The following ADAMTS18 variants were observed in gnomAD, a reference collection of about 807,000 sequenced individuals.
The protein encoded by ADAMTS18 is A disintegrin and metalloproteinase with thrombospondin motifs 18.
A neutral mutation model predicts 165.9 loss-of-function variants in ADAMTS18; 157 were observed. The ratio of observed to expected loss-of-function variants is 0.95; its 90% CI spans 0.83 to 1.08. The LOEUF (loss-of-function observed/expected upper bound fraction) is 1.08. ADAMTS18 is among the 50% of genes least tolerant of loss of function. The pLI, the probability that ADAMTS18 is intolerant of heterozygous loss-of-function variation, is 0.00. For synonymous variants in ADAMTS18, 782 were observed against 578.2 expected, an observed-to-expected ratio of 1.35 and a Z score of -5.06; for missense variants, 2,040 against 1,534.0, an observed-to-expected ratio of 1.33 and a Z score of -5.51.
intron 3 of ADAMTS18, among the ~76,000 whole-genome samples, chr16:77,368,159 C>G (rs2056825872): frequency 6.6e-6 from 1 of 152,150 alleles, no homozygotes; most frequent in South Asian, 2.1e-4. Flanking sequence ...GGACAAGTTG[C>G]TATTATCACC....
At chr16:77,394,958 A>T (rs1222083866) in intron 3 of ADAMTS18, among the ~76,000 whole-genome samples, 1 of 152,098 alleles carries the variant, frequency 6.6e-6, no homozygotes, top group Non-Finnish European at 1.5e-5. Flanking sequence ...TCCTTCCACC[A>T]TTTCTATCTA....
At chr16:77,425,636 G>C (rs2057661698) in intron 3 of ADAMTS18, among the ~76,000 whole-genome samples, 1 of 152,196 alleles carries the variant, frequency 6.6e-6, no homozygotes, top group African/African-American at 2.4e-5. Flanking sequence ...TCCCCAACGG[G>C]AACACATGTC....
In ADAMTS18 at chr16:77,300,278, C is replaced by T. The variant is rs370157524; in HGVS notation, c.2659G>A (p.Val887Ile). ...AATCATCTACCTCCACCACAGGAGA[C>T]GGAGCACTCTGACTGCACGATACTC... ...TWSIVQSECS[V>I]SCGGGYINVK... Residue 887 changes from valine (V) to isoleucine (I), a missense_variant, in exon 17 of 23, where the codon GTC becomes ATC. Coordinates refer to ENST00000282849, the MANE Select transcript of ADAMTS18 (RefSeq NM_199355.4). 25 of 1,614,060 alleles carry T rather than the reference C, an allele frequency of 1.5e-5. No homozygotes were observed. The highest frequency in any genetic ancestry group is 8.0e-5 in the African/African-American group (6 of 75,036).
At chr16:77,291,679 G>A (rs1304058785) in intron 20 of ADAMTS18, among the ~76,000 whole-genome samples, 1 of 152,232 alleles carries the variant, frequency 6.6e-6, no homozygotes, top group Non-Finnish European at 1.5e-5. Flanking sequence ...AAAGTTCAGA[G>A]AACGGAACTG....
At chr16:77,287,698 C>T (rs956145493) in intron 22 of ADAMTS18, among the ~76,000 whole-genome samples, 19 of 152,200 alleles carry the variant, frequency 1.2e-4, no homozygotes, top group African/African-American at 3.4e-4. Flanking sequence ...TCTCAAACTC[C>T]GGACCTCAGG....
chr16:77,378,113 A>T (rs929065580), intron 3 of ADAMTS18, among the ~76,000 whole-genome samples: 4 of 152,078 alleles, frequency 2.6e-5, no homozygotes, highest in Admixed American at 6.6e-5. Flanking sequence ...GGATCACTCG[A>T]GCTCAGGAGT....
At chr16:77,407,734 T>C (rs942292846) in intron 3 of ADAMTS18, among the ~76,000 whole-genome samples, 3 of 152,042 alleles carry the variant, frequency 2.0e-5, no homozygotes, top group Non-Finnish European at 2.9e-5. Context: ...GAATTTCCAA[T>C]TGGGAGAAAA....
chr16:77,324,730 C>G (rs1413569057), intron 13 of ADAMTS18, among the ~76,000 whole-genome samples: 3 of 152,314 alleles, frequency 2.0e-5, no homozygotes, highest in Non-Finnish European at 4.4e-5. Flanking sequence ...GTTCTCAGCC[C>G]TTGAATTAAT....
chr16:77,356,985 ATTTTTTTT>A (rs4038549), intron 8 of ADAMTS18, among the ~76,000 whole-genome samples: 2 of 140,538 alleles, frequency 1.4e-5, no homozygotes, highest in African/African-American at 2.6e-5. Context: ...CTTTTCTGAA[ATTTTTTTT>A]TTTTTTTTTT....
At chr16:77,317,417 T>C (rs1041505220) in intron 16 of ADAMTS18, among the ~76,000 whole-genome samples, 2 of 152,156 alleles carry the variant, frequency 1.3e-5, no homozygotes, top group East Asian at 3.9e-4. Context: ...CACTGCAACC[T>C]GTGCCTCCCA....
intron 3 of ADAMTS18, among the ~76,000 whole-genome samples, chr16:77,413,384 G>A (rs957535572): frequency 2.6e-5 from 4 of 152,154 alleles, no homozygotes; most frequent in Non-Finnish European, 5.9e-5. Flanking sequence ...CTCCTGGGGT[G>A]ACTTCTCCTG....
At chr16:77,406,303 A>C (rs150170537) in intron 3 of ADAMTS18, among the ~76,000 whole-genome samples, 30 of 152,298 alleles carry the variant, frequency 2.0e-4, no homozygotes, top group African/African-American at 6.5e-4. Flanking sequence ...GGTATAAATT[A>C]TTAGAGAATT....
chr16:77,350,275 C>T (rs1370991750), intron 10 of ADAMTS18, among the ~76,000 whole-genome samples: 2 of 152,068 alleles, frequency 1.3e-5, no homozygotes, highest in South Asian at 2.1e-4. Context: ...GCTGAAGACA[C>T]AGAAAACTCG....
At position 77,364,387 on chromosome 16, in the gene ADAMTS18, A is replaced by G. The variant is rs745369304; in HGVS notation, c.779-6T>C. ...TGTGGGAGGCTTGGGAGCATCTACG[A>G]TGAACAGAAGAGCATTTGGAAGGGA... On this transcript the variant is annotated splice_polypyrimidine_tract_variant and splice_region_variant and intron_variant, in intron 4 of 22. Coordinates refer to ENST00000282849, the MANE Select transcript of ADAMTS18 (RefSeq NM_199355.4). The G allele has an allele frequency of 2.4e-5, 39 of 1,613,472 alleles. No homozygotes were observed. The highest frequency in any genetic ancestry group is 3.3e-5 in the Non-Finnish European group (39 of 1,179,884).
intron 11 of ADAMTS18, among the ~76,000 whole-genome samples, chr16:77,337,994 C>T (rs2056337339): frequency 6.6e-6 from 1 of 151,112 alleles, no homozygotes; most frequent in Non-Finnish European, 1.5e-5. Context: ...ACCTCCGCCT[C>T]CCAGGTTCAA....
chr16:77,364,112 A>G, intron 5 of ADAMTS18, 76 bp downstream of exon 5: 1 of 1,583,172 alleles, frequency 6.3e-7, no homozygotes, highest in South Asian at 1.1e-5. Context: ...TACACCTGCT[A>G]TTCAACCCAT....
chr16:77,396,617 G>C (rs932657207), intron 3 of ADAMTS18, among the ~76,000 whole-genome samples: 2 of 152,160 alleles, frequency 1.3e-5, no homozygotes, highest in Admixed American at 1.3e-4. Context: ...AAAACCTGCA[G>C]AGAGGAAGTT....
intron 3 of ADAMTS18, among the ~76,000 whole-genome samples, chr16:77,408,250 T>G (rs890390402): frequency 6.6e-6 from 1 of 152,064 alleles, no homozygotes. Context: ...TGTGGAGAGT[T>G]TGTGGGAATG....
At chr16:77,414,744 T>C (rs1169003872) in intron 3 of ADAMTS18, among the ~76,000 whole-genome samples, 2 of 152,144 alleles carry the variant, frequency 1.3e-5, no homozygotes, top group African/African-American at 2.4e-5. Flanking sequence ...AATAAACATC[T>C]TCAAAGACAC....
Sources: allele counts gnomAD v4.1 joint callset (sites outside exome capture counted in the v4.1 genomes callset), GRCh38; gene constraint gnomAD v4.1.1; transcripts MANE v1.5; gene names NCBI Gene and HGNC (gene_info 2026-07-23, HGNC 2026-07-21).